The following ACSF2 variants were observed in gnomAD, a reference collection of about 807,000 sequenced individuals.
ACSF2 encodes acyl-CoA synthetase family member 2, also known as medium-chain acyl-CoA ligase ACSF2, mitochondrial.
ACSF2 carries 52 observed loss-of-function variants against 79.3 expected under a neutral mutation model. The observed-to-expected ratio is 0.66, with a 90% confidence interval of 0.53 to 0.83. The LOEUF is 0.83. Ranked by LOEUF, ACSF2 falls within the 40% of genes least tolerant of loss-of-function variation. The probability of loss-of-function intolerance (pLI) is 0.00; values close to 1 mark genes in which losing one functional copy is unlikely to be tolerated. For synonymous variants in ACSF2, 283 were observed against 312.6 expected (o/e 0.91, Z 1.00); for missense variants, 661 against 803.3 (o/e 0.82, Z 2.14).
intron 1 of ACSF2, among the ~76,000 whole-genome samples, chr17:50,452,240 G>C (rs2031723608): frequency 6.6e-6 from 1 of 152,136 alleles, no homozygotes; most frequent in South Asian, 2.1e-4. Flanking sequence ...TCTGAGTTGA[G>C]AACAACTGGC....
intron 10 of ACSF2, chr17:50,468,049 G>A (rs745472877): frequency 1.6e-5 from 26 of 1,590,562 alleles, no homozygotes; most frequent in Non-Finnish European, 2.2e-5. Flanking sequence ...CCTTCTCCAG[G>A]TTGGTGTTGT....
In ACSF2 at chr17:50,471,765, G is replaced by C. The variant is rs891740080; in HGVS notation, c.1323+630G>C. On this transcript the variant is annotated intron_variant, in intron 11 of 15. Transcript: ENST00000300441. This position sits in a 1 kb window ranked among gnomAD's most constrained non-coding sequence, Gnocchi z 4.1. ...GCAGCTGCTTCCCCTGGGGCTGACC[G>C]CTGTCCTGGCGTGAATCTGCCCTGC... is the stretch of plus-strand genomic sequence containing the variant. 2 of 157,198 alleles carry C rather than the reference G, an allele frequency of 1.3e-5. No homozygotes were observed. The highest frequency in any genetic ancestry group is 2.4e-5 in the African/African-American group (1 of 41,454). 9.7% of individuals were successfully genotyped at this position (157,198 alleles called of 1,614,324 possible).
At position 50,451,624 on chromosome 17, in the gene ACSF2, A is replaced by G. The variant is rs201465960; in HGVS notation, c.129-9053A>G. 5.3e-5 allele frequency among the ~76,000 whole-genome samples: 8 copies of G among 152,188 alleles called. No homozygotes were observed. In the East Asian group the frequency reaches 1.5e-3, roughly 29 times the overall value. On this transcript the variant is annotated intron_variant, in intron 1 of 15. Transcript: ENST00000300441. Reference sequence around the variant, plus strand: ...ATAACCACACCCGGCTAATTTTTGTATTTTTAGTAGAGACAAGGTTTCATC... The same window carrying G: ...ATAACCACACCCGGCTAATTTTTGTGTTTTTAGTAGAGACAAGGTTTCATC...
Position 50,465,715 on chromosome 17 carries a change from G to T in ACSF2, c.1215+1421G>T, listed in dbSNP as rs554921993. ...CATGGAAGTGTTCTTACCGCCGAAG[G>T]CCCCGGAGCTGGCAGGTACACTTCC... On this transcript the variant is annotated intron_variant, in intron 10 of 15. Transcript: ENST00000300441. 1.8e-5 allele frequency: 29 copies of T among 1,613,518 alleles called. No individual in the cohort carries two copies. The Admixed American group carries it at 2.3e-4, about 13-fold the overall frequency.
intron 10 of ACSF2, chr17:50,468,911 G>T: frequency 4.9e-6 from 7 of 1,416,778 alleles, no homozygotes; most frequent in Non-Finnish European, 6.4e-6. Context: ...CTCTTTATAC[G>T]GTGGCCCTGA....
At chr17:50,451,581 C>G (rs1437552497) in intron 1 of ACSF2, among the ~76,000 whole-genome samples, 1 of 152,170 alleles carries the variant, frequency 6.6e-6, no homozygotes, top group African/African-American at 2.4e-5. Context: ...TCCCAAGTAG[C>G]TGGGATTACA....
chr17:50,468,898 G>T, intron 10 of ACSF2: 2 of 1,431,746 alleles, frequency 1.4e-6, no homozygotes, highest in South Asian at 3.0e-5. Context: ...CGGGTCTGCC[G>T]CCCTCTTTAT....
In ACSF2 at chr17:50,426,256, C is replaced by A; in HGVS notation, c.-6C>A. ...ACTCGGGCCGGGACGCAGGGCAAAGCGAGCCATGGCTGTCTACGTCGGGAT... is the reference window on the plus strand; with the variant it reads ...ACTCGGGCCGGGACGCAGGGCAAAGAGAGCCATGGCTGTCTACGTCGGGAT... On this transcript the variant is annotated 5_prime_UTR_variant, in exon 1 of 16. Coordinates refer to ENST00000300441, the MANE Select transcript of ACSF2 (RefSeq NM_025149.6). The A allele has an allele frequency of 1.5e-6, 2 of 1,355,018 alleles. No homozygotes were observed. Among genetic ancestry groups the A allele is most frequent in the South Asian group, 2.1e-5 (1 of 48,338 alleles). The allele number at this position is 1,355,018 out of a possible 1,614,324, so 83.9% of individuals were successfully genotyped here.
chr17:50,451,984 A>G (rs893438210), intron 1 of ACSF2, among the ~76,000 whole-genome samples: 9 of 152,208 alleles, frequency 5.9e-5, no homozygotes, highest in African/African-American at 1.9e-4. Context: ...CAGTGAACAC[A>G]TTAGTTGCCA....
chr17:50,436,148 G>A lies in ACSF2; in HGVS notation c.128+9759G>A, dbSNP rs541013270. ...TTATTTTTTTTATTTTTTATTTTTC[G>A]AGACGGAGTCTCGCTCTGTTGCCCA... On this transcript the variant is annotated intron_variant, in intron 1 of 15. Transcript: ENST00000300441. 8.7e-5 allele frequency among the ~76,000 whole-genome samples: 13 copies of A among 149,954 alleles called. 1 individual carries two copies. The South Asian group carries it at 2.7e-3, about 32-fold the overall frequency.
At chr17:50,453,276 T>C (rs1254753588) in intron 1 of ACSF2, among the ~76,000 whole-genome samples, 1 of 151,610 alleles carries the variant, frequency 6.6e-6, no homozygotes, top group African/African-American at 2.4e-5. Context: ...TGACACAATC[T>C]CGGCTCACTG....
At chr17:50,462,357 C>A in intron 5 of ACSF2, 55 bp downstream of exon 5, 2 of 1,611,798 alleles carry the variant, frequency 1.2e-6, no homozygotes, top group South Asian at 1.1e-5. Flanking sequence ...CTGATTCCTT[C>A]ACTTCCTACC....
At chr17:50,460,610 G>T in intron 1 of ACSF2, 67 bp from the exon 2 acceptor site, 1 of 1,470,250 alleles carries the variant, frequency 6.8e-7, no homozygotes, top group Non-Finnish European at 9.2e-7. Flanking sequence ...TTGGCTGGGT[G>T]TGCCATGCCC....
chr17:50,469,551 T>A (rs2032999900), intron 10 of ACSF2, among the ~76,000 whole-genome samples: 1 of 151,050 alleles, frequency 6.6e-6, no homozygotes, highest in Non-Finnish European at 1.5e-5. Context: ...CCTCATCCCC[T>A]TTTTCCACCG....
intron 1 of ACSF2, among the ~76,000 whole-genome samples, chr17:50,459,512 G>A (rs1261094369): frequency 6.6e-6 from 1 of 152,186 alleles, no homozygotes; most frequent in East Asian, 1.9e-4. Flanking sequence ...CAAAGTGCTG[G>A]CAAGACTTTA....
intron 10 of ACSF2, chr17:50,465,102 G>T: frequency 1.6e-6 from 1 of 628,964 alleles, no homozygotes; most frequent in East Asian, 2.8e-5. Flanking sequence ...GATGATGCTT[G>T]AAGAAAATGG....
At chr17:50,468,018 G>A (rs2032850523) in intron 10 of ACSF2, 1 of 1,555,614 alleles carries the variant, frequency 6.4e-7, no homozygotes, top group South Asian at 1.2e-5. Flanking sequence ...AACCAGGGCA[G>A]AGCCCACAGC....
At chr17:50,464,748 C>T in intron 10 of ACSF2, 1 of 324,140 alleles carries the variant, frequency 3.1e-6, no homozygotes, top group South Asian at 2.2e-5. Context: ...GATGACCAAC[C>T]TGTTGTGGTT....
At chr17:50,473,492 C>T (rs1020903774) in intron 12 of ACSF2, 173 bp from the exon 13 acceptor site, 10 of 818,912 alleles carry the variant, frequency 1.2e-5, no homozygotes, top group African/African-American at 3.4e-5. Context: ...GTCTACCTCC[C>T]CTCCCCTTAC....
Sources: gnomAD v4.1 joint callset for allele counts (sites outside exome capture counted in the v4.1 genomes callset) on GRCh38, gnomAD v4.1.1 for gene constraint, Gnocchi (gnomAD v3.1) non-coding constraint, MANE v1.5 for transcripts, NCBI Gene and HGNC (gene_info 2026-07-23, HGNC 2026-07-21) for gene names.